Variants in ST7 observed in about 807,000 individuals in gnomAD.
ST7 encodes the protein suppression of tumorigenicity 7, also known as suppressor of tumorigenicity 7 protein.
Under a neutral mutation model 78.7 loss-of-function variants are expected in ST7, and 28 were observed. That is an observed-to-expected ratio of 0.36 (90% CI 0.26 to 0.49). The LOEUF is 0.49. Ranked by LOEUF, ST7 falls within the 20% of genes least tolerant of loss-of-function variation. The pLI, the probability that ST7 is intolerant of heterozygous loss-of-function variation, is 0.99. For synonymous variants in ST7, 247 were observed against 249.6 expected (o/e 0.99, Z 0.10); for missense variants, 418 against 696.0 (o/e 0.60, Z 4.49).
chr7:117,013,438 C>A (rs1795465702), intron 1 of ST7, among the ~76,000 whole-genome samples: 1 of 152,172 alleles, frequency 6.6e-6, no homozygotes, highest in Non-Finnish European at 1.5e-5. Flanking sequence ...CAGCTTTTGA[C>A]TGTAGCAGAT....
chr7:117,029,524 A>G (rs931798044), intron 1 of ST7, among the ~76,000 whole-genome samples: 3 of 152,058 alleles, frequency 2.0e-5, no homozygotes, highest in Non-Finnish European at 4.4e-5. Context: ...ATATTTTCTT[A>G]TAGTCTGTAG....
At chr7:117,146,429 A>G (rs1027959515) in intron 9 of ST7, 5 of 152,286 alleles carry the variant, frequency 3.3e-5, no homozygotes, top group Non-Finnish European at 7.3e-5. Context: ...TATTGATCAC[A>G]GTAAGGATTT....
chr7:117,155,485 C>G (rs888079706), intron 9 of ST7, among the ~76,000 whole-genome samples: 1 of 152,092 alleles, frequency 6.6e-6, no homozygotes. Context: ...GTCAAGAGGT[C>G]GTGATAGTAT....
At chr7:117,003,989 T>C (rs530154193) in intron 1 of ST7, among the ~76,000 whole-genome samples, 1 of 152,318 alleles carries the variant, frequency 6.6e-6, no homozygotes, top group African/African-American at 2.4e-5. Flanking sequence ...AGACTGCCAT[T>C]GTCTGTTGTC....
At chr7:117,031,743 T>C (rs71544777) in intron 1 of ST7, among the ~76,000 whole-genome samples, 7 of 4,080 alleles carry the variant, frequency 1.7e-3, no homozygotes, top group African/African-American at 7.1e-3. Context: ...CATATATGTG[T>C]ATATATATGC....
At chr7:117,171,579 G>T (rs1807992895) in intron 10 of ST7, among the ~76,000 whole-genome samples, 1 of 151,082 alleles carries the variant, frequency 6.6e-6, no homozygotes. Flanking sequence ...ATTCCATTTT[G>T]CCTGTTCCTA....
At chr7:117,169,299 C>T (rs1018367233) in intron 9 of ST7, among the ~76,000 whole-genome samples, 4 of 151,974 alleles carry the variant, frequency 2.6e-5, no homozygotes, top group East Asian at 1.9e-4. Context: ...CCATGCCTGA[C>T]TAATTTTTGT....
chr7:117,211,667 T>TATCACCATAGAAAAATGGC (rs1354002407), intron 13 of ST7, among the ~76,000 whole-genome samples: 1 of 151,782 alleles, frequency 6.6e-6, no homozygotes, highest in African/African-American at 2.4e-5. Flanking sequence ...AAAGACATGG[T>TATCACCATAGAAAAATGGC]ATCACCATAG....
chr7:117,093,021 C>G (rs1800750533), intron 1 of ST7, among the ~76,000 whole-genome samples: 1 of 152,176 alleles, frequency 6.6e-6, no homozygotes, highest in African/African-American at 2.4e-5. Context: ...TCCCATATGG[C>G]CTGTGGCTCA....
At chr7:116,974,586 G>A (rs940949623) in intron 1 of ST7, among the ~76,000 whole-genome samples, 8 of 152,156 alleles carry the variant, frequency 5.3e-5, no homozygotes, top group South Asian at 2.1e-4. Flanking sequence ...CCACTGCGCC[G>A]GGCCTTTTCT....
intron 1 of ST7, among the ~76,000 whole-genome samples, chr7:117,036,164 A>C (rs1416214091): frequency 1.3e-5 from 2 of 152,208 alleles, no homozygotes; most frequent in Non-Finnish European, 2.9e-5. Context: ...CTTACTCCGC[A>C]TATTAAGTTT....
At chr7:117,031,201 G>A (rs1255785493) in intron 1 of ST7, among the ~76,000 whole-genome samples, 3 of 151,794 alleles carry the variant, frequency 2.0e-5, no homozygotes, top group Non-Finnish European at 4.4e-5. Flanking sequence ...AGGAGGGTGG[G>A]AGGAGGGAGA....
chr7:117,180,790 C>T (rs1808695744), intron 10 of ST7, among the ~76,000 whole-genome samples: 1 of 152,116 alleles, frequency 6.6e-6, no homozygotes, highest in Admixed American at 6.5e-5. Flanking sequence ...GCTGGGACTA[C>T]AGGTGTGAAC....
At chr7:117,186,239 C>T (rs1809244318) in intron 10 of ST7, among the ~76,000 whole-genome samples, 2 of 152,196 alleles carry the variant, frequency 1.3e-5, no homozygotes, top group African/African-American at 2.4e-5. Context: ...AATGGAAGCA[C>T]CTTACATCTT....
intron 1 of ST7, chr7:117,074,727 C>G (rs1799220608): frequency 6.6e-6 from 1 of 152,100 alleles, no homozygotes; most frequent in African/African-American, 2.4e-5. Context: ...TTAAGGAAAC[C>G]AGCACTCCAC....
At chr7:117,216,229 A>G (rs756606602) in intron 13 of ST7, among the ~76,000 whole-genome samples, 1 of 152,200 alleles carries the variant, frequency 6.6e-6, no homozygotes, top group Non-Finnish European at 1.5e-5. Flanking sequence ...ACTAATTCTC[A>G]GTTTCATTTT....
chr7:117,080,875 C>A (rs1413836578), intron 1 of ST7: 1 of 152,054 alleles, frequency 6.6e-6, no homozygotes, highest in Admixed American at 6.6e-5. Flanking sequence ...CTTATTTATG[C>A]CATTGAGTTT....
chr7:117,175,909 A>C (rs1808311024), intron 10 of ST7, among the ~76,000 whole-genome samples: 1 of 152,042 alleles, frequency 6.6e-6, no homozygotes, highest in Admixed American at 6.5e-5. Flanking sequence ...GCCCAGTCTT[A>C]TGCTCTGCAA....
chr7:117,050,193 C>T (rs369224745), intron 1 of ST7, among the ~76,000 whole-genome samples: 22 of 146,594 alleles, frequency 1.5e-4, no homozygotes, highest in South Asian at 4.3e-4. Context: ...GCAGCCTGGG[C>T]GACAGAGTGA....
Sources: allele counts gnomAD v4.1 joint callset (sites outside exome capture counted in the v4.1 genomes callset), GRCh38; gene constraint gnomAD v4.1.1; transcripts MANE v1.5; gene names NCBI Gene and HGNC (gene_info 2026-07-23, HGNC 2026-07-21).